The following LRP6 variants were observed in gnomAD, a reference collection of about 807,000 sequenced individuals.
The protein encoded by LRP6 is LDL receptor related protein 6.
LRP6 carries 43 observed loss-of-function variants against 184.1 expected under a neutral mutation model. The ratio of observed to expected loss-of-function variants is 0.23; its 90% confidence interval spans 0.18 to 0.30. The LOEUF (loss-of-function observed/expected upper bound fraction) is 0.30. Ranked by LOEUF, LRP6 falls within the 10% of genes least tolerant of loss-of-function variation. LRP6 has a pLI of 1.00. For synonymous variants in LRP6, 719 were observed against 684.9 expected, an observed-to-expected ratio of 1.05 and a Z score of -0.78; for missense variants, 1,571 against 2,005.3, an observed-to-expected ratio of 0.78 and a Z score of 4.14.
intron 16 of LRP6, among the ~76,000 whole-genome samples, chr12:12,136,388 G>A (rs1413560849): frequency 6.6e-6 from 1 of 152,094 alleles, no homozygotes; most frequent in South Asian, 2.1e-4. Flanking sequence ...AACTTAAAAG[G>A]CACATGTAAC....
rs147684717 is a variant in LRP6 at position 12,208,766 on chromosome 12, G to T, written c.450-5366C>A. Among the ~76,000 whole-genome samples the T allele has an allele frequency of 3.7e-4, 56 of 152,300 alleles. 1 individual carries two copies. In the East Asian group the frequency reaches 0.01, roughly 28 times the overall value. On this transcript the variant is annotated intron_variant, in intron 2 of 22. Coordinates refer to ENST00000261349, the MANE Select transcript of LRP6 (RefSeq NM_002336.3). ...AGACACATGAGATGCTACAAGAAGA[G>T]AAAGAAGTACAAAAGGTTAATAACC... is the stretch of plus-strand genomic sequence containing the variant.
intron 4 of LRP6, chr12:12,186,676 T>TTTTA: frequency 4.0e-4 from 163 of 407,500 alleles, no homozygotes; most frequent in South Asian, 1.4e-3. Flanking sequence ...TTTTTTTTTT[T>TTTTA]GAGACACAGT....
chr12:12,124,519 C>G, intron 22 of LRP6, 46 bp downstream of exon 22: 2 of 1,391,202 alleles, frequency 1.4e-6, no homozygotes, highest in Non-Finnish European at 2.0e-6. Flanking sequence ...AACTGAAACA[C>G]TTTCAATAAA....
chr12:12,117,183 A>G lies in LRP6; in HGVS notation c.*3943T>C, dbSNP rs1949530063. 2 of 152,202 alleles carry G rather than the reference A, an allele frequency of 1.3e-5. No individual in the cohort carries two copies. The highest frequency in any genetic ancestry group is 6.5e-5 in the Admixed American group (1 of 15,270). 9.4% of individuals were successfully genotyped at this position (152,202 alleles called of 1,614,324 possible). On this transcript the variant is annotated 3_prime_UTR_variant, in exon 23 of 23. Coordinates refer to ENST00000261349, the MANE Select transcript of LRP6 (RefSeq NM_002336.3). Reference sequence around the variant, plus strand: ...TTGGTTCATTTTAGGCTTAAGAAATACCAAATAAAATTAAATTCCTTGGGT... The same window carrying G: ...TTGGTTCATTTTAGGCTTAAGAAATGCCAAATAAAATTAAATTCCTTGGGT...
intron 13 of LRP6, 151 bp downstream of exon 13, chr12:12,150,685 A>T: frequency 1.3e-6 from 1 of 784,586 alleles, no homozygotes; most frequent in South Asian, 1.4e-5. Context: ...ATATCGTCAG[A>T]AGGAAAAAAT....
chr12:12,241,621 A>AG (rs1345143411), intron 2 of LRP6, among the ~76,000 whole-genome samples: 2 of 152,096 alleles, frequency 1.3e-5, no homozygotes, highest in East Asian at 3.9e-4. Flanking sequence ...AAAGCTGGGG[A>AG]GGGGGGTTGA....
intron 12 of LRP6, among the ~76,000 whole-genome samples, chr12:12,157,339 C>T (rs1402375013): frequency 1.3e-5 from 2 of 152,000 alleles, no homozygotes; most frequent in Non-Finnish European, 2.9e-5. Flanking sequence ...ACGCTGCTGC[C>T]ACCACCATTG....
chr12:12,214,043 CT>C (rs1864279392), intron 2 of LRP6, among the ~76,000 whole-genome samples: 1 of 152,070 alleles, frequency 6.6e-6, no homozygotes, highest in Non-Finnish European at 1.5e-5. Context: ...TTATCATCTT[CT>C]CTTAGACTTT....
At chr12:12,191,355 G>GAA (rs1383231947) in intron 3 of LRP6, among the ~76,000 whole-genome samples, 1 of 152,212 alleles carries the variant, frequency 6.6e-6, no homozygotes, top group Non-Finnish European at 1.5e-5. Context: ...GAAAAAAGCA[G>GAA]AAAAAGTAAA....
At position 12,120,931 on chromosome 12, in the gene LRP6, G is replaced by A. The variant is rs1162095483; in HGVS notation, c.*195C>T. ...CTTTTATGGCACAAGCAGCAAATCT[G>A]CTGTTTTAAGAAAATATATAAATAT... On this transcript the variant is annotated 3_prime_UTR_variant, in exon 23 of 23. Coordinates refer to ENST00000261349, the MANE Select transcript of LRP6 (RefSeq NM_002336.3). 8.7e-6 allele frequency: 4 copies of A among 461,630 alleles called. No homozygotes were observed. Among genetic ancestry groups the A allele is most frequent in the Non-Finnish European group, 1.5e-5 (4 of 271,142 alleles). 28.6% of individuals were successfully genotyped at this position (461,630 alleles called of 1,614,324 possible).
At chr12:12,199,762 G>A (rs1863863763) in intron 3 of LRP6, among the ~76,000 whole-genome samples, 1 of 151,552 alleles carries the variant, frequency 6.6e-6, no homozygotes, top group Non-Finnish European at 1.5e-5. Flanking sequence ...TAAGGAGTTC[G>A]AGACCAGCCT....
chr12:12,227,382 T>C (rs1864655294), intron 2 of LRP6, among the ~76,000 whole-genome samples: 1 of 150,854 alleles, frequency 6.6e-6, no homozygotes, highest in African/African-American at 2.4e-5. Flanking sequence ...AAGGAATAAG[T>C]GAAGGTAAAA....
chr12:12,136,166 G>A (rs780474731), intron 16 of LRP6, among the ~76,000 whole-genome samples: 16 of 151,846 alleles, frequency 1.1e-4, no homozygotes, highest in African/African-American at 3.1e-4. Flanking sequence ...CAGCCTGGGC[G>A]GCAGAGCAAG....
In LRP6 at chr12:12,181,401, A is replaced by G. The variant is rs1863341851; in HGVS notation, c.1015T>C (p.Leu339=). ...GGTGTATCCAAAGAAATGCGTCTCA[A>G]GTCTGTCCTTCGAGCTAAAAGCAAT... ...ELLLLARRTD[L]RRISLDTPDF... is the part of the protein sequence containing the mutation. The change falls in exon 6 of 23, where the codon TTG becomes CTG. Residue 339 remains leucine, a synonymous_variant. Transcript: ENST00000261349. 1 of 1,465,958 alleles carries G rather than the reference A, an allele frequency of 6.8e-7. No individual in the cohort carries two copies. The highest frequency in any genetic ancestry group is 1.7e-5 in the Admixed American group (1 of 59,800). The allele number at this position is 1,465,958 out of a possible 1,614,324, so 90.8% of individuals were successfully genotyped here.
chr12:12,119,335 GC>G lies in LRP6; in HGVS notation c.*1790del, dbSNP rs1223586334. The G allele has an allele frequency of 6.6e-6, 1 of 151,328 alleles. No individual in the cohort carries two copies. The highest frequency in any genetic ancestry group is 1.5e-5 in the Non-Finnish European group (1 of 67,898). 9.4% of individuals were successfully genotyped at this position (151,328 alleles called of 1,614,324 possible). On this transcript the variant is annotated 3_prime_UTR_variant, in exon 23 of 23. Coordinates refer to ENST00000261349, the MANE Select transcript of LRP6 (RefSeq NM_002336.3). ...GGCCCTGAAACCCAGAGAGGCCTTGGCAAGACAGAATTAAAAAAGAAAAAAA... is the reference window on the plus strand; with the variant it reads ...GGCCCTGAAACCCAGAGAGGCCTTGGAAGACAGAATTAAAAAAGAAAAAAA...
intron 3 of LRP6, among the ~76,000 whole-genome samples, chr12:12,199,453 T>C (rs1433081346): frequency 1.3e-5 from 2 of 152,166 alleles, no homozygotes; most frequent in Non-Finnish European, 2.9e-5. Flanking sequence ...AAAACATCAA[T>C]TGTTGTACAA....
At chr12:12,218,775 G>A (rs1864413368) in intron 2 of LRP6, among the ~76,000 whole-genome samples, 2 of 152,046 alleles carry the variant, frequency 1.3e-5, no homozygotes, top group South Asian at 2.1e-4. Flanking sequence ...GCTGCAGTAA[G>A]CTATGACCAT....
chr12:12,127,244 T>C (rs1237961166), intron 19 of LRP6, among the ~76,000 whole-genome samples: 1 of 152,094 alleles, frequency 6.6e-6, no homozygotes, highest in Non-Finnish European at 1.5e-5. Flanking sequence ...TTTAAATAAA[T>C]AAACAGATAA....
At chr12:12,238,274 AAG>A (rs1315533200) in intron 2 of LRP6, among the ~76,000 whole-genome samples, 1 of 151,950 alleles carries the variant, frequency 6.6e-6, no homozygotes, top group Admixed American at 6.6e-5. Flanking sequence ...GAGAAGATAA[AAG>A]AGCAAAATTA....
Sources: allele counts gnomAD v4.1 joint callset (sites outside exome capture counted in the v4.1 genomes callset), GRCh38; gene constraint gnomAD v4.1.1; transcripts MANE v1.5; gene names NCBI Gene and HGNC (gene_info 2026-07-23, HGNC 2026-07-21).